Variants in FST observed in about 807,000 individuals in gnomAD.
The protein encoded by FST is activin-binding protein.
In FST, 6 loss-of-function variants were observed where a neutral mutation model predicts 38.4. The ratio of observed to expected loss-of-function variants is 0.16; its 90% CI spans 0.09 to 0.31. The LOEUF (loss-of-function observed/expected upper bound fraction) is 0.31. Ranked by LOEUF, FST falls within the 10% of genes least tolerant of loss-of-function variation. The probability of loss-of-function intolerance (pLI) is 1.00; values close to 1 mark genes in which losing one functional copy is unlikely to be tolerated. For missense variants in FST, 301 were observed against 432.3 expected (o/e 0.70, Z 2.69); for synonymous variants, 157 against 169.8 (o/e 0.92, Z 0.59).
At chr5:53,482,618 T>G in intron 1 of FST, 3 of 459,264 alleles carry the variant, frequency 6.5e-6, no homozygotes, top group East Asian at 3.5e-5. Context: ...GGGCGCCCTG[T>G]CTTCTCCCTC....
intron 1 of FST, 49 bp from the exon 2 acceptor site, chr5:53,482,831 C>A: frequency 1.6e-6 from 2 of 1,216,616 alleles, no homozygotes; most frequent in Non-Finnish European, 2.3e-6. Flanking sequence ...CCTGCCCTGC[C>A]ACCGCTCACT....
At chr5:53,480,966 G>A in intron 1 of FST, 90 bp downstream of exon 1, 2 of 547,434 alleles carry the variant, frequency 3.7e-6, no homozygotes, top group Non-Finnish European at 6.1e-6. Context: ...TCTGAGCAAC[G>A]CTGCTCTCGG....
intron 5 of FST, 136 bp from the exon 6 acceptor site, chr5:53,485,815 A>G (rs1747516278): frequency 1.3e-6 from 2 of 1,596,404 alleles, no homozygotes; most frequent in Non-Finnish European, 8.5e-7. Context: ...CAAAAAAAGC[A>G]TCTCACTGCA....
At chr5:53,480,976 G>A (rs1747168524) in intron 1 of FST, 100 bp downstream of exon 1, 1 of 487,692 alleles carries the variant, frequency 2.1e-6, no homozygotes, top group East Asian at 4.3e-5. Flanking sequence ...GCTGCTCTCG[G>A]AAGATGTTGA....
Position 53,480,694 on chromosome 5 carries a change from G to T in FST, c.-98G>T. The T allele has an allele frequency of 5.2e-6, 1 of 193,934 alleles. No individual in the cohort carries two copies. Among genetic ancestry groups the T allele is most frequent in the Non-Finnish European group, 9.4e-6 (1 of 106,892 alleles). The allele number at this position is 193,934 out of a possible 1,614,324, so 12.0% of individuals were successfully genotyped here. ...CTGCGCCGGGATCGCTGCGCCCTCC[G>T]CCGCTGGCCTCTGCGACGCGCGCCG... On this transcript the variant is annotated 5_prime_UTR_variant, in exon 1 of 6. Coordinates refer to ENST00000256759, the MANE Select transcript of FST (RefSeq NM_013409.3).
In FST at chr5:53,483,430, C is replaced by A; in HGVS notation, c.278-74C>A. On this transcript the variant is annotated intron_variant, in intron 2 of 5. Coordinates refer to ENST00000256759, the MANE Select transcript of FST (RefSeq NM_013409.3). The surrounding 1 kb of genome is among the most constrained non-coding windows in gnomAD (Gnocchi z 4.1). The stretch of plus-strand genomic sequence containing the variant: ...CTCAGGGCTGCATGATTGCGCAAGG[C>A]ACCCGAAGCCCTCCTGGCTGACCTG... The A allele has an allele frequency of 8.5e-7, 1 of 1,173,520 alleles. No homozygotes were observed. Among genetic ancestry groups the A allele is most frequent in the Non-Finnish European group, 1.3e-6 (1 of 797,180 alleles). The allele number at this position is 1,173,520 out of a possible 1,614,324, so 72.7% of individuals were successfully genotyped here. A position where few individuals can be genotyped will look rare whatever the true frequency, so the allele number is the denominator to read the frequency against.
chr5:53,485,736 T>C, intron 5 of FST: 1 of 1,608,314 alleles, frequency 6.2e-7, no homozygotes, highest in South Asian at 1.1e-5. Context: ...CTTTCTGCAG[T>C]TTTTGACTTC....
chr5:53,483,925 A>G lies in FST; in HGVS notation c.497-144A>G, dbSNP rs184160894. 3.7e-4 allele frequency: 268 copies of G among 724,634 alleles called. No individual in the cohort carries two copies. The African/African-American group carries it at 4.4e-3, about 12-fold the overall frequency. The allele number at this position is 724,634 out of a possible 1,614,324, so 44.9% of individuals were successfully genotyped here. On this transcript the variant is annotated intron_variant, in intron 3 of 5. Transcript: ENST00000256759. This position sits in a 1 kb window ranked among gnomAD's most constrained non-coding sequence, Gnocchi z 4.1. ...ACTGAGGGGACCAACCTAGTCATAG[A>G]TTCTCTCTTGAAAACTACAGGGCTC...
intron 1 of FST, among the ~76,000 whole-genome samples, chr5:53,481,635 AG>A (rs1177654312): frequency 6.6e-6 from 1 of 152,138 alleles, no homozygotes; most frequent in African/African-American, 2.4e-5. Flanking sequence ...AAATTTCTGA[AG>A]CTTGCCTTTT....
At chr5:53,481,170 G>C (rs1287844414) in intron 1 of FST, among the ~76,000 whole-genome samples, 1 of 151,748 alleles carries the variant, frequency 6.6e-6, no homozygotes, top group African/African-American at 2.4e-5. Context: ...GATCTCCTCT[G>C]TTTGGCTCTG....
intron 1 of FST, 29 bp from the exon 2 acceptor site, chr5:53,482,851 C>T (rs1747323592): frequency 2.7e-6 from 4 of 1,478,364 alleles, no homozygotes; most frequent in Non-Finnish European, 3.7e-6. Context: ...TGCTCACTCA[C>T]CCACCTCCCC....
At position 53,484,215 on chromosome 5, in the gene FST, T is replaced by A. The variant is rs1317002957; in HGVS notation, c.643T>A (p.Ser215Thr). The A allele has an allele frequency of 1.2e-6, 2 of 1,613,142 alleles. No individual in the cohort carries two copies. Among genetic ancestry groups the A allele is most frequent in the South Asian group, 2.2e-5 (2 of 91,066 alleles). The change falls in exon 4 of 6, where the codon TCC (serine) becomes ACC (threonine). Residue 215 changes from serine (S) to threonine (T), a missense_variant. By Grantham distance (58) the Ser-to-Thr change is moderately conservative (BLOSUM62 1). Coordinates refer to ENST00000256759, the MANE Select transcript of FST (RefSeq NM_013409.3). ...YLCGNDGVTY[S>T]SACHLRKATC... ...CTGTGGGAATGATGGAGTCACCTAC[T>A]CCAGTGCCTGCCACCTGAGAAAGGC...
Position 53,485,151 on chromosome 5 carries a change from C to T in FST, c.876C>T (p.Ala292=), listed in dbSNP as rs763419125. 2.2e-5 allele frequency: 35 copies of T among 1,613,434 alleles called. No homozygotes were observed. The highest frequency in any genetic ancestry group is 3.3e-5 in the Admixed American group (2 of 59,996). The part of the protein sequence containing the change: ...PVCASDNATY[A]SECAMKEAAC... ...GTGCCAGTGACAATGCCACTTATGCCAGCGAGTGTGCCATGAAGGAAGCTG... is the reference window on the plus strand; with the variant it reads ...GTGCCAGTGACAATGCCACTTATGCTAGCGAGTGTGCCATGAAGGAAGCTG... The change falls in exon 5 of 6, where the codon GCC becomes GCT. Residue 292 remains alanine (A), a synonymous_variant. Coordinates refer to ENST00000256759, the MANE Select transcript of FST (RefSeq NM_013409.3).
Position 53,485,246 on chromosome 5 carries a change from C to G in FST, c.952+19C>G. 7.3e-7 allele frequency: 1 copy of G among 1,365,438 alleles called. No homozygotes were observed. Among genetic ancestry groups the G allele is most frequent in the Non-Finnish European group, 1.0e-6 (1 of 956,194 alleles). The allele number at this position is 1,365,438 out of a possible 1,614,324, so 84.6% of individuals were successfully genotyped here. A position where few individuals can be genotyped will look rare whatever the true frequency, so the allele number is the denominator to read the frequency against. ...TGCAACTGTAAGTGCGATTTTTAACCTTGCTGCCATTTAAGGCTTTCCCAG... is the reference window on the plus strand; with the variant it reads ...TGCAACTGTAAGTGCGATTTTTAACGTTGCTGCCATTTAAGGCTTTCCCAG... On this transcript the variant is annotated intron_variant, in intron 5 of 5. Coordinates refer to ENST00000256759, the MANE Select transcript of FST (RefSeq NM_013409.3).
rs1457478711 is a variant in FST, at chr5:53,480,739, G to GCCGCGCCGGCTCC, written c.-44_-32dup. 9 of 699,236 alleles carry GCCGCGCCGGCTCC rather than the reference G, an allele frequency of 1.3e-5. No individual in the cohort carries two copies. The East Asian group carries it at 5.5e-4, about 43-fold the overall frequency. The allele number at this position is 699,236 out of a possible 1,614,324, so 43.3% of individuals were successfully genotyped here. ...GCGCCGCTCGCCCGAGCCACCCGCC[G>GCCGCGCCGGCTCC]CCGCGCCGGCTCCCCGCGCCGCTGC... is the stretch of plus-strand genomic sequence containing the variant. On this transcript the variant is annotated 5_prime_UTR_variant, in exon 1 of 6. Coordinates refer to ENST00000256759, the MANE Select transcript of FST (RefSeq NM_013409.3).
Position 53,486,071 on chromosome 5 carries a change from GCAA to G in FST, c.*39_*41del, listed in dbSNP as rs766269103. 4.1e-4 allele frequency: 122 copies of G among 300,988 alleles called. No homozygotes were observed. The highest frequency in any genetic ancestry group is 1.2e-3 in the South Asian group (14 of 12,136). 18.6% of individuals were successfully genotyped at this position (300,988 alleles called of 1,614,324 possible). On this transcript the variant is annotated 3_prime_UTR_variant, in exon 6 of 6. Transcript: ENST00000256759. ...TGTTCAGTGTTGACATAGCCTTTGTGCAAAAAAAAAAAAAAAAAAAAAGAAAAA... is the reference window on the plus strand; with the variant it reads ...TGTTCAGTGTTGACATAGCCTTTGTGAAAAAAAAAAAAAAAAAAAGAAAAA...
At chr5:53,482,371 C>T (rs1440631836) in intron 1 of FST, among the ~76,000 whole-genome samples, 1 of 150,886 alleles carries the variant, frequency 6.6e-6, no homozygotes, top group Non-Finnish European at 1.5e-5. Context: ...CTCCTCTCTC[C>T]TCTCTCTCGT....
intron 1 of FST, among the ~76,000 whole-genome samples, chr5:53,482,054 G>C (rs1327573571): frequency 3.3e-5 from 5 of 152,258 alleles, no homozygotes; most frequent in Admixed American, 3.3e-4. Flanking sequence ...AGCCCTCGGA[G>C]ATTTCGAAAG....
At chr5:53,480,969 G>GCT in intron 1 of FST, 93 bp downstream of exon 1, 1 of 524,838 alleles carries the variant, frequency 1.9e-6, no homozygotes. Context: ...GAGCAACGCT[G>GCT]CTCTCGGAAG....
Sources: gnomAD v4.1 joint callset for allele counts (sites outside exome capture counted in the v4.1 genomes callset) on GRCh38, gnomAD v4.1.1 for gene constraint, Gnocchi (gnomAD v3.1) non-coding constraint, MANE v1.5 for transcripts, NCBI Gene and HGNC (gene_info 2026-07-23, HGNC 2026-07-21) for gene names.